The following TCF12 variants were observed in gnomAD, a reference collection of about 807,000 sequenced individuals.
TCF12 encodes the protein DNA-binding protein HTF4.
TCF12 carries 45 observed loss-of-function variants against 86.0 expected under a neutral mutation model. The ratio of observed to expected loss-of-function variants is 0.52; its 90% CI spans 0.41 to 0.67. The LOEUF (loss-of-function observed/expected upper bound fraction) is 0.67, where lower values mean the gene tolerates loss of function less well. Among genes scored for constraint, TCF12 ranks in the 30% least tolerant of loss-of-function variants. TCF12 has a pLI of 0.00. For missense variants in TCF12, 881 were observed against 859.9 expected (o/e 1.02, Z -0.31); for synonymous variants, 330 against 299.6 (o/e 1.10, Z -1.05).
intron 3 of TCF12, among the ~76,000 whole-genome samples, chr15:57,031,518 T>C (rs2066185008): frequency 6.6e-6 from 1 of 152,224 alleles, no homozygotes; most frequent in Non-Finnish European, 1.5e-5. Context: ...CTTTTACTTA[T>C]TTAAAAGAGG....
chr15:57,145,871 G>A (rs1432426535), intron 5 of TCF12, among the ~76,000 whole-genome samples: 3 of 152,130 alleles, frequency 2.0e-5, no homozygotes, highest in Non-Finnish European at 4.4e-5. Flanking sequence ...TTAGAGCAGC[G>A]TTTCTGAAGC....
intron 3 of TCF12, among the ~76,000 whole-genome samples, chr15:56,963,355 G>A (rs1187024674): frequency 2.0e-5 from 3 of 152,084 alleles, no homozygotes; most frequent in Non-Finnish European, 4.4e-5. Context: ...CCATTTATTA[G>A]CAGATACGTT....
intron 14 of TCF12, chr15:57,252,154 G>A (rs1272449789): frequency 2.0e-5 from 7 of 348,834 alleles, no homozygotes; most frequent in African/African-American, 1.5e-4. Flanking sequence ...CTTTTTCTGT[G>A]ACTAACAAAA....
chr15:57,103,269 A>G (rs1223460138), intron 5 of TCF12, among the ~76,000 whole-genome samples: 1 of 152,216 alleles, frequency 6.6e-6, no homozygotes, highest in Non-Finnish European at 1.5e-5. Context: ...ATTTTGATGC[A>G]GTTTATAAAG....
intron 5 of TCF12, among the ~76,000 whole-genome samples, chr15:57,104,256 T>C (rs558182396): frequency 1.3e-5 from 2 of 152,152 alleles, no homozygotes; most frequent in South Asian, 2.1e-4. Flanking sequence ...TAAATAAGAC[T>C]ATCTCATAAC....
chr15:56,943,725 A>G (rs2060879211), intron 3 of TCF12, among the ~76,000 whole-genome samples: 1 of 152,186 alleles, frequency 6.6e-6, no homozygotes, highest in Admixed American at 6.5e-5. Flanking sequence ...CCTGTTACCA[A>G]ATATCTCACT....
At chr15:57,050,060 A>G (rs1283725906) in intron 3 of TCF12, among the ~76,000 whole-genome samples, 1 of 152,170 alleles carries the variant, frequency 6.6e-6, no homozygotes, top group Non-Finnish European at 1.5e-5. Context: ...CGGAGCTTAT[A>G]GTTTACTATG....
chr15:57,218,627 T>C (rs776903339), intron 8 of TCF12, among the ~76,000 whole-genome samples: 6 of 152,218 alleles, frequency 3.9e-5, no homozygotes, highest in Non-Finnish European at 8.8e-5. Flanking sequence ...GTTTATTCTC[T>C]CATACTTTAT....
Position 57,263,142 on chromosome 15 carries a change from T to C in TCF12, c.1613T>C (p.Val538Ala). ...GGLQSQSGTVVTTEIKTENKE... is the reference protein window; with the variant it reads ...GGLQSQSGTVATTEIKTENKE... ...TTGCAAAGTCAGTCTGGAACTGTTG[T>C]TACAACAGAAATCAAGACTGAAAAC... The change falls in exon 18 of 21, where the codon GTT becomes GCT. Residue 538 changes from valine (V) to alanine (A), a missense_variant. Val to Ala is a moderately conservative substitution (Grantham distance 64, BLOSUM62 0). Around this residue, in one of 3 missense-constraint regions of TCF12, gnomAD observed 766 missense variants for 718.9 expected, o/e 1.07. Transcript: ENST00000333725. 1 of 1,611,978 alleles carries C rather than the reference T, an allele frequency of 6.2e-7. No individual in the cohort carries two copies. The highest frequency in any genetic ancestry group is 1.7e-4 in the Middle Eastern group (1 of 6,052).
intron 3 of TCF12, among the ~76,000 whole-genome samples, chr15:56,993,402 C>G (rs185878053): frequency 2.6e-5 from 4 of 152,286 alleles, no homozygotes; most frequent in Admixed American, 2.6e-4. Context: ...CCTTCTTCAT[C>G]TCTTTGTTCT....
intron 3 of TCF12, among the ~76,000 whole-genome samples, chr15:57,000,407 T>C (rs1331974439): frequency 6.6e-6 from 1 of 151,790 alleles, no homozygotes; most frequent in Non-Finnish European, 1.5e-5. Context: ...AAATAACACA[T>C]GGGTCAATGA....
In TCF12 at chr15:56,920,487, C is replaced by CACGTGTGTGTGT. The variant is rs3223202; in HGVS notation, c.75+499_75+500insACGTGTGTGTGT. ...TACTTTTATTTTATACACACACACA[C>CACGTGTGTGTGT]GTGTGTGTGTGTGTGTGTGTGTATT... On this transcript the variant is annotated intron_variant, in intron 2 of 20. Transcript: ENST00000333725. Among the ~76,000 whole-genome samples the CACGTGTGTGTGT allele has an allele frequency of 3.9e-4, 58 of 146,956 alleles. No homozygotes were observed. The East Asian group carries it at 5.5e-3, about 14-fold the overall frequency.
At chr15:56,960,253 A>T (rs748893006) in intron 3 of TCF12, among the ~76,000 whole-genome samples, 1 of 152,108 alleles carries the variant, frequency 6.6e-6, no homozygotes, top group Non-Finnish European at 1.5e-5. Flanking sequence ...TTAATACCTT[A>T]TGGAATTTGG....
Position 56,920,050 on chromosome 15 carries a change from G to GTTTA in TCF12, c.75+65_75+66insATTT. Reference sequence around the variant, plus strand: ...GAGGTTTTTGTTTGTTTGTTTGTTTGTTTCTTTTAAATAAAGGGTGAGGGG... The same window carrying GTTTA: ...GAGGTTTTTGTTTGTTTGTTTGTTTGTTTATTTCTTTTAAATAAAGGGTGAGGGG... On this transcript the variant is annotated intron_variant, in intron 2 of 20. Coordinates refer to ENST00000333725, the MANE Select transcript of TCF12 (RefSeq NM_207037.2). The GTTTA allele has an allele frequency of 4.5e-6, 7 of 1,560,034 alleles. No individual in the cohort carries two copies. In the South Asian group the frequency reaches 6.7e-5, roughly 15 times the overall value.
chr15:56,997,666 G>C (rs374529116), intron 3 of TCF12, among the ~76,000 whole-genome samples: 1 of 152,012 alleles, frequency 6.6e-6, no homozygotes, highest in East Asian at 1.9e-4. Context: ...ACAGGAAAGG[G>C]GAAACAGGGA....
chr15:57,286,845 C>G lies in TCF12; in HGVS notation c.*700C>G, dbSNP rs2061950969. 2.7e-6 allele frequency: 1 copy of G among 370,510 alleles called. No individual in the cohort carries two copies. The highest frequency in any genetic ancestry group is 3.6e-5 in the Admixed American group (1 of 27,988). 23.0% of individuals were successfully genotyped at this position (370,510 alleles called of 1,614,324 possible). On this transcript the variant is annotated 3_prime_UTR_variant, in exon 21 of 21. Coordinates refer to ENST00000333725, the MANE Select transcript of TCF12 (RefSeq NM_207037.2). ...TGGGTGTTATATTTGATCTCTAAAT[C>G]TGAACAGTTTATGGTCACAGTCCAG...
intron 13 of TCF12, chr15:57,247,494 GAAC>G (rs2151989831): frequency 1.3e-6 from 1 of 784,916 alleles, no homozygotes; most frequent in Admixed American, 1.8e-5. Context: ...TGGCATTTCT[GAAC>G]AACAATTTTA....
chr15:57,222,241 A>G (rs200964978), intron 8 of TCF12, among the ~76,000 whole-genome samples: 47 of 130,318 alleles, frequency 3.6e-4, no homozygotes, highest in African/African-American at 1.3e-3. Context: ...TTTTTTTTTT[A>G]GTTTTCGAGT....
chr15:56,982,747 A>G (rs1042049912), intron 3 of TCF12, among the ~76,000 whole-genome samples: 1 of 152,210 alleles, frequency 6.6e-6, no homozygotes, highest in Admixed American at 6.5e-5. Context: ...AATTGGTTTA[A>G]TTAAAAACAA....
Sources: gnomAD v4.1 joint callset for allele counts (sites outside exome capture counted in the v4.1 genomes callset) on GRCh38, gnomAD v4.1.1 for gene constraint, gnomAD v4.1.1 regional missense constraint, MANE v1.5 for transcripts, NCBI Gene and HGNC (gene_info 2026-07-23, HGNC 2026-07-21) for gene names.